Variants in ZNF536 observed in about 807,000 individuals in gnomAD.
ZNF536 encodes the protein zinc finger protein 536.
In ZNF536, 13 loss-of-function variants were observed where a neutral mutation model predicts 84.5. The ratio of observed to expected loss-of-function variants is 0.15; its 90% CI spans 0.10 to 0.24. The LOEUF is 0.24. Among genes scored for constraint, ZNF536 ranks in the 10% least tolerant of loss-of-function variants. ZNF536 has a pLI of 1.00. For missense variants in ZNF536, 1,536 were observed against 1,747.5 expected (o/e 0.88, Z 2.16); for synonymous variants, 811 against 742.5 (o/e 1.09, Z -1.50).
intron 1 of ZNF536, among the ~76,000 whole-genome samples, chr19:30,378,646 C>T (rs892211104): frequency 3.3e-5 from 5 of 151,840 alleles, no homozygotes; most frequent in African/African-American, 1.2e-4. Context: ...ACTGCATCTC[C>T]CTTGAGGTCT....
At chr19:30,362,544 G>T (rs2048307643) in intron 3 of ZNF536, among the ~76,000 whole-genome samples, 1 of 152,162 alleles carries the variant, frequency 6.6e-6, no homozygotes, top group South Asian at 2.1e-4. Context: ...TCGTGCAGGG[G>T]CAGCTACTCC....
chr19:30,228,713 G>A lies in ZNF536; in HGVS notation c.-190+40G>A, dbSNP rs2022771677. The A allele has an allele frequency of 6.6e-6, 1 of 151,192 alleles. No individual in the cohort carries two copies. Among genetic ancestry groups the A allele is most frequent in the Non-Finnish European group, 1.5e-5 (1 of 67,810 alleles). The allele number at this position is 151,192 out of a possible 1,614,324, so 9.4% of individuals were successfully genotyped here. ...GTGGCCTCGGCGCGCCCCGGGGTGAGCGCGCAAAGCCGGGAGCGAGGTGCC... is the reference window on the plus strand; with the variant it reads ...GTGGCCTCGGCGCGCCCCGGGGTGAACGCGCAAAGCCGGGAGCGAGGTGCC... On this transcript the variant is annotated intron_variant, in intron 1 of 5. Coordinates refer to the ZNF536 transcript ENST00000585628. This position sits in a 1 kb window ranked among gnomAD's most constrained non-coding sequence, Gnocchi z 4.5.
chr19:30,504,790 C>T lies in ZNF536; in HGVS notation c.2171-30057C>T, dbSNP rs923931851. ...CATGGGGTTTGCATGCCTACTCTCCCCATTTTACAGCAAGGAAGCCTGAGA... is the reference window on the plus strand; with the variant it reads ...CATGGGGTTTGCATGCCTACTCTCCTCATTTTACAGCAAGGAAGCCTGAGA... On this transcript the variant is annotated intron_variant, in intron 2 of 4. Coordinates refer to ENST00000355537, the MANE Select transcript of ZNF536 (RefSeq NM_014717.3). Among the ~76,000 whole-genome samples, 6 of 151,992 alleles carry T rather than the reference C, an allele frequency of 3.9e-5. No individual in the cohort carries two copies. The East Asian group carries it at 1.2e-3, about 29-fold the overall frequency.
At chr19:30,584,312 G>A (rs377020002) in intron 1 of ZNF536, among the ~76,000 whole-genome samples, 14 of 152,264 alleles carry the variant, frequency 9.2e-5, no homozygotes, top group South Asian at 8.3e-4. Context: ...CTTAGCTGTC[G>A]TGTTATTTAC....
At chr19:30,235,658 A>G (rs2023436425) in intron 1 of ZNF536, among the ~76,000 whole-genome samples, 1 of 152,222 alleles carries the variant, frequency 6.6e-6, no homozygotes, top group Admixed American at 6.5e-5. Context: ...TAGCTTACAC[A>G]ATTTTTGTGT....
intron 1 of ZNF536, among the ~76,000 whole-genome samples, chr19:30,641,511 T>TA (rs2049266824): frequency 6.6e-6 from 1 of 152,200 alleles, no homozygotes; most frequent in Non-Finnish European, 1.5e-5. Context: ...CACTAAAATA[T>TA]CATTATATAG....
At chr19:30,471,075 C>G (rs2053615203) in intron 2 of ZNF536, among the ~76,000 whole-genome samples, 2 of 151,906 alleles carry the variant, frequency 1.3e-5, no homozygotes, top group South Asian at 2.1e-4. Context: ...CCCACCTCGT[C>G]CTCCCAAAGT....
chr19:30,302,550 A>G (rs2046219029), intron 2 of ZNF536, among the ~76,000 whole-genome samples: 1 of 152,216 alleles, frequency 6.6e-6, no homozygotes, highest in Non-Finnish European at 1.5e-5. Context: ...CAGCAGACAC[A>G]GGACAAGAAC....
intron 1 of ZNF536, among the ~76,000 whole-genome samples, chr19:30,404,879 C>T (rs946596134): frequency 6.6e-6 from 1 of 152,210 alleles, no homozygotes; most frequent in Non-Finnish European, 1.5e-5. Flanking sequence ...AAGTCCAGGC[C>T]TCACGAACTT....
chr19:30,487,387 A>C (rs1343870629), intron 2 of ZNF536, among the ~76,000 whole-genome samples: 1 of 152,180 alleles, frequency 6.6e-6, no homozygotes, highest in East Asian at 1.9e-4. Context: ...GAACAAAAGA[A>C]GGAAACACAA....
At chr19:30,277,321 A>G (rs1410560202) in intron 1 of ZNF536, among the ~76,000 whole-genome samples, 1 of 152,130 alleles carries the variant, frequency 6.6e-6, no homozygotes, top group South Asian at 2.1e-4. Flanking sequence ...GTAAAAATAC[A>G]TGCACAGGGC....
chr19:30,504,439 CCTTCCTCCCTTCCTTT>C (rs1343518767), intron 2 of ZNF536, among the ~76,000 whole-genome samples: 1 of 144,850 alleles, frequency 6.9e-6, no homozygotes, highest in Non-Finnish European at 1.5e-5. Flanking sequence ...TTCCTTCCTT[CCTTCCTCCCTTCCTTT>C]CTCCCTTCCT....
chr19:30,538,297 A>G (rs2045176068), intron 3 of ZNF536, among the ~76,000 whole-genome samples: 1 of 152,204 alleles, frequency 6.6e-6, no homozygotes, highest in South Asian at 2.1e-4. Flanking sequence ...CCATGGACCC[A>G]TATGAGCACA....
At chr19:30,385,985 G>A (rs867198312) in intron 1 of ZNF536, among the ~76,000 whole-genome samples, 3 of 152,162 alleles carry the variant, frequency 2.0e-5, no homozygotes, top group Admixed American at 6.5e-5. Flanking sequence ...GGCAATGTCC[G>A]TCTGTCTCAC....
At chr19:30,679,839 T>A (rs1352084724) in intron 1 of ZNF536, among the ~76,000 whole-genome samples, 5 of 152,158 alleles carry the variant, frequency 3.3e-5, no homozygotes, top group African/African-American at 1.2e-4. Context: ...CTCAACCTGT[T>A]TTGCGGGGAG....
chr19:30,431,191 C>A (rs563666628), intron 1 of ZNF536, among the ~76,000 whole-genome samples: 4 of 152,274 alleles, frequency 2.6e-5, no homozygotes, highest in African/African-American at 9.6e-5. Context: ...GCAGCCAGCT[C>A]CCCCAGAACC....
intron 2 of ZNF536, among the ~76,000 whole-genome samples, chr19:30,451,255 T>G (rs1199885381): frequency 6.6e-6 from 1 of 152,260 alleles, no homozygotes; most frequent in Non-Finnish European, 1.5e-5. Flanking sequence ...TGGGACGCCC[T>G]GCTCGTGCCG....
chr19:30,530,287 A>G (rs1202608433), intron 2 of ZNF536, among the ~76,000 whole-genome samples: 1 of 152,226 alleles, frequency 6.6e-6, no homozygotes, highest in East Asian at 1.9e-4. Flanking sequence ...AGGTTTAACA[A>G]AGGATCACAG....
intron 1 of ZNF536, among the ~76,000 whole-genome samples, chr19:30,608,890 C>A (rs1322891576): frequency 6.6e-6 from 1 of 152,138 alleles, no homozygotes; most frequent in Non-Finnish European, 1.5e-5. Context: ...GAGCTTGGAC[C>A]AGATTAAAAC....
Sources: allele counts gnomAD v4.1 joint callset (sites outside exome capture counted in the v4.1 genomes callset), GRCh38; gene constraint gnomAD v4.1.1; non-coding constraint Gnocchi (gnomAD v3.1); transcripts MANE v1.5; gene names NCBI Gene and HGNC (gene_info 2026-07-23, HGNC 2026-07-21).